SVIL: variants seen among roughly 807,000 people sequenced by gnomAD.
SVIL encodes archvillin.
Under a neutral mutation model 240.4 loss-of-function variants are expected in SVIL, and 101 were observed. The observed-to-expected ratio is 0.42, with a 90% CI of 0.36 to 0.50. SVIL has a LOEUF of 0.50. SVIL is among the 20% of genes least tolerant of loss of function. SVIL has a pLI of 0.01. For synonymous variants in SVIL, 999 were observed against 1,100.0 expected (o/e 0.91, Z 1.82); for missense variants, 2,512 against 2,818.7 (o/e 0.89, Z 2.46).
chr10:29,514,933 T>C (rs1353842305), intron 16 of SVIL, among the ~76,000 whole-genome samples: 1 of 152,230 alleles, frequency 6.6e-6, no homozygotes, highest in African/African-American at 2.4e-5. Flanking sequence ...TCCGGCGACA[T>C]CTACGTATGT....
In SVIL at chr10:29,532,991, A is replaced by G. The variant is rs1270675638; in HGVS notation, c.1376T>C (p.Leu459Ser). 1 of 1,614,170 alleles carries G rather than the reference A, an allele frequency of 6.2e-7. No homozygotes were observed. The highest frequency in any genetic ancestry group is 8.5e-7 in the Non-Finnish European group (1 of 1,180,034). The change falls in exon 8 of 38, where the codon TTG becomes TCG. Residue 459 changes from leucine (L) to serine (S), a missense_variant. By Grantham distance (145) the Leu-to-Ser change is moderately radical. This residue lies in a region of SVIL where 1,443 missense variants were observed against 1,486.6 expected (regional missense o/e 0.97). Transcript: ENST00000355867. ...GCTTCTCACTAGCCCATCACCCTCC[A>G]AAGCCAGTAGGGTTTTCTTGCTTTG... Reference protein sequence around the residue: ...LEQSKKTLLALEGDGLVRSPE... With the variant: ...LEQSKKTLLASEGDGLVRSPE...
intron 1 of SVIL, among the ~76,000 whole-genome samples, chr10:29,613,057 G>A (rs1332811098): frequency 6.6e-6 from 1 of 151,722 alleles, no homozygotes; most frequent in African/African-American, 2.4e-5. Flanking sequence ...CGTGCCTGTA[G>A]TACCAGCTAC....
At chr10:29,622,026 G>A (rs1269526357) in intron 1 of SVIL, among the ~76,000 whole-genome samples, 6 of 151,704 alleles carry the variant, frequency 4.0e-5, no homozygotes, top group African/African-American at 9.7e-5. Context: ...CGAGGCGGGC[G>A]GATCACGAGG....
intron 1 of SVIL, among the ~76,000 whole-genome samples, chr10:29,714,576 G>A (rs1424619519): frequency 6.6e-6 from 1 of 152,204 alleles, no homozygotes; most frequent in Non-Finnish European, 1.5e-5. Flanking sequence ...AGTAAGTACA[G>A]ATTAAGCTCT....
In SVIL at chr10:29,524,036, A is replaced by G. The variant is rs376670749; in HGVS notation, c.2587-9T>C. ...AGCTTTCCACTCTGCACCTGGAAGG[A>G]CACAGTTAAAAATTAAAAAGCTGCT... On this transcript the variant is annotated splice_polypyrimidine_tract_variant and intron_variant, in intron 14 of 37. Transcript: ENST00000355867. 3.2e-5 allele frequency: 51 copies of G among 1,580,498 alleles called. 1 individual carries two copies. The African/African-American group carries it at 5.5e-4, about 17-fold the overall frequency.
At chr10:29,466,483 A>G (rs1944942465) in intron 33 of SVIL, among the ~76,000 whole-genome samples, 1 of 152,208 alleles carries the variant, frequency 6.6e-6, no homozygotes, top group East Asian at 1.9e-4. Context: ...AGATTTTATG[A>G]CAAGCACAGC....
intron 1 of SVIL, among the ~76,000 whole-genome samples, chr10:29,583,427 G>C (rs910719983): frequency 3.9e-5 from 6 of 152,062 alleles, no homozygotes; most frequent in Non-Finnish European, 7.4e-5. Flanking sequence ...TGCCTCCTGA[G>C]TAGCTGGGAC....
chr10:29,623,673 A>G (rs1957752128), intron 1 of SVIL, among the ~76,000 whole-genome samples: 1 of 152,124 alleles, frequency 6.6e-6, no homozygotes. Context: ...ACACGGGGAA[A>G]CCCCATCTCT....
intron 26 of SVIL, among the ~76,000 whole-genome samples, chr10:29,485,583 T>C (rs1284309860): frequency 2.0e-5 from 3 of 152,208 alleles, no homozygotes; most frequent in African/African-American, 2.4e-5. Context: ...CTTCTAATAC[T>C]CTTCCACCCA....
intron 1 of SVIL, among the ~76,000 whole-genome samples, chr10:29,732,164 T>A (rs1220098915): frequency 6.6e-6 from 1 of 152,152 alleles, no homozygotes; most frequent in East Asian, 1.9e-4. Context: ...GCATATCATA[T>A]CCAGATGTAA....
chr10:29,611,895 G>A (rs1247191893), intron 1 of SVIL, among the ~76,000 whole-genome samples: 8 of 152,114 alleles, frequency 5.3e-5, no homozygotes, highest in South Asian at 2.1e-4. Context: ...ATGGGGCCAC[G>A]CCAGAACCAG....
chr10:29,688,852 G>A (rs1327043390), intron 1 of SVIL, among the ~76,000 whole-genome samples: 1 of 152,124 alleles, frequency 6.6e-6, no homozygotes, highest in Non-Finnish European at 1.5e-5. Context: ...AAAGGTAAAT[G>A]TGAAAACAGA....
At chr10:29,734,086 G>GCTC (rs1312827463) in intron 1 of SVIL, among the ~76,000 whole-genome samples, 2 of 152,188 alleles carry the variant, frequency 1.3e-5, no homozygotes, top group African/African-American at 2.4e-5. Flanking sequence ...GGCAAACAGA[G>GCTC]CTCCGTGCTG....
intron 2 of SVIL, among the ~76,000 whole-genome samples, chr10:29,664,552 C>T (rs11007687): frequency 0.18 from 27,516 of 151,846 alleles, 2,677 homozygotes; most frequent in South Asian, 0.35. Flanking sequence ...GTTGGTTTAG[C>T]CACAGGAATA....
At chr10:29,680,470 A>G (rs1218754671) in intron 2 of SVIL, among the ~76,000 whole-genome samples, 4 of 152,192 alleles carry the variant, frequency 2.6e-5, no homozygotes, top group Admixed American at 6.5e-5. Flanking sequence ...AGCATGGCGC[A>G]TGGGCAGGGG....
chr10:29,726,579 T>G (rs1011689861), intron 1 of SVIL, among the ~76,000 whole-genome samples: 7 of 151,946 alleles, frequency 4.6e-5, no homozygotes, highest in African/African-American at 1.7e-4. Flanking sequence ...AAACCCCGCC[T>G]CTACTAAAAA....
At chr10:29,583,829 ACTGT>A (rs1333420858) in intron 1 of SVIL, among the ~76,000 whole-genome samples, 1 of 152,244 alleles carries the variant, frequency 6.6e-6, no homozygotes, top group African/African-American at 2.4e-5. Context: ...CACATTCCAC[ACTGT>A]CTGTTGAAAT....
At chr10:29,671,047 A>T (rs895593265) in intron 2 of SVIL, 1 of 152,276 alleles carries the variant, frequency 6.6e-6, no homozygotes, top group Non-Finnish European at 1.5e-5. Context: ...TTGGAACACC[A>T]GGCGCAGAGA....
intron 6 of SVIL, among the ~76,000 whole-genome samples, chr10:29,538,271 A>T (rs2132589078): frequency 6.6e-6 from 1 of 152,346 alleles, no homozygotes; most frequent in South Asian, 2.1e-4. Context: ...GGGCTTGTGT[A>T]AGAATGTTGG....
Sources: allele counts gnomAD v4.1 joint callset (sites outside exome capture counted in the v4.1 genomes callset), GRCh38; gene constraint gnomAD v4.1.1; regional missense constraint gnomAD v4.1.1; transcripts MANE v1.5; gene names NCBI Gene and HGNC (gene_info 2026-07-23, HGNC 2026-07-21).